RELN: variants seen among roughly 807,000 people sequenced by gnomAD.
RELN encodes reelin.
In RELN, 108 loss-of-function variants were observed where a neutral mutation model predicts 427.6. The observed-to-expected ratio is 0.25, with a 90% confidence interval of 0.22 to 0.30. RELN has a LOEUF of 0.30. RELN is among the 10% of genes least tolerant of loss of function. The probability of loss-of-function intolerance (pLI) is 1.00; values close to 1 mark genes in which losing one functional copy is unlikely to be tolerated. For synonymous variants in RELN, 1,524 were observed against 1,513.4 expected, an observed-to-expected ratio of 1.01 and a Z score of -0.16; for missense variants, 3,715 against 4,302.8, an observed-to-expected ratio of 0.86 and a Z score of 3.82.
At chr7:103,586,749 C>A (rs962817448) in intron 28 of RELN, among the ~76,000 whole-genome samples, 1 of 152,058 alleles carries the variant, frequency 6.6e-6, no homozygotes, top group Non-Finnish European at 1.5e-5. Context: ...AACATTGAAG[C>A]TGAGTACAAA....
At position 103,640,107 on chromosome 7, in the gene RELN, AT is replaced by A. The variant is rs1832667638; in HGVS notation, c.2069+435del. Among the ~76,000 whole-genome samples, 1 of 152,194 alleles carries A rather than the reference AT, an allele frequency of 6.6e-6. No individual in the cohort carries two copies. Among genetic ancestry groups the A allele is most frequent in the African/African-American group, 2.4e-5 (1 of 41,456 alleles). ...CTTAAGTTATATTTAAAGATGATGAATTTGCTTATCAAATCTGCTAAATTTG... is the reference window on the plus strand; with the variant it reads ...CTTAAGTTATATTTAAAGATGATGAATTGCTTATCAAATCTGCTAAATTTG... On this transcript the variant is annotated intron_variant, in intron 17 of 64. Coordinates refer to ENST00000428762, the MANE Select transcript of RELN (RefSeq NM_005045.4). This position sits in a 1 kb window ranked among gnomAD's most constrained non-coding sequence, Gnocchi z 4.1.
chr7:103,701,422 T>C (rs756454663), intron 8 of RELN, among the ~76,000 whole-genome samples: 16 of 152,116 alleles, frequency 1.1e-4, no homozygotes, highest in Non-Finnish European at 1.0e-4. Context: ...CACCATTATT[T>C]TTCTGTGTGT....
At chr7:103,584,360 G>T (rs1015631629) in intron 28 of RELN, among the ~76,000 whole-genome samples, 9 of 152,158 alleles carry the variant, frequency 5.9e-5, no homozygotes, top group African/African-American at 2.2e-4. Flanking sequence ...CAACATAAAG[G>T]GGTGGAAAAA....
intron 2 of RELN, among the ~76,000 whole-genome samples, chr7:103,872,445 T>C (rs1465344795): frequency 1.5e-5 from 2 of 135,308 alleles, no homozygotes; most frequent in South Asian, 3.3e-4. Flanking sequence ...TGCCACATTT[T>C]CTTAATCCAG....
At chr7:103,915,365 G>T (rs1473355548) in intron 2 of RELN, among the ~76,000 whole-genome samples, 1 of 152,068 alleles carries the variant, frequency 6.6e-6, no homozygotes, top group Non-Finnish European at 1.5e-5. Context: ...CCCTAGCAAG[G>T]TTTGCTATGA....
chr7:103,558,155 C>T (rs1233265647), intron 36 of RELN, 106 bp from the exon 37 acceptor site: 1 of 670,800 alleles, frequency 1.5e-6, no homozygotes, highest in Non-Finnish European at 2.7e-6. Context: ...AAATACATAT[C>T]ATGATCAAGA....
chr7:103,866,270 C>G (rs1249281271), intron 2 of RELN, among the ~76,000 whole-genome samples: 1 of 152,036 alleles, frequency 6.6e-6, no homozygotes, highest in Admixed American at 6.6e-5. Flanking sequence ...AGCACTACAG[C>G]TTTAATACAA....
chr7:103,829,756 T>A (rs1162056930), intron 3 of RELN, among the ~76,000 whole-genome samples: 4 of 151,996 alleles, frequency 2.6e-5, no homozygotes, highest in Non-Finnish European at 5.9e-5. Flanking sequence ...TCAGACAACA[T>A]GCCTCTTAAT....
intron 2 of RELN, among the ~76,000 whole-genome samples, chr7:103,898,110 A>G (rs1264555282): frequency 6.6e-6 from 1 of 151,990 alleles, no homozygotes; most frequent in East Asian, 1.9e-4. Context: ...ATGGGTGTGT[A>G]GTTTTCTACA....
In RELN at chr7:103,917,192, T is replaced by C. The variant is rs753968613; in HGVS notation, c.227-7A>G. The C allele has an allele frequency of 2.2e-5, 36 of 1,606,246 alleles. No individual in the cohort carries two copies. The highest frequency in any genetic ancestry group is 4.0e-5 in the African/African-American group (3 of 74,566). ...GTGCTTGTTGAAATTGTCACTGAAA[T>C]GTAAGAAAGAAAAAAAAAACTCTCA... On this transcript the variant is annotated splice_polypyrimidine_tract_variant and splice_region_variant and intron_variant, in intron 1 of 64. Coordinates refer to ENST00000428762, the MANE Select transcript of RELN (RefSeq NM_005045.4).
At chr7:103,952,359 A>T (rs1796348964) in intron 1 of RELN, among the ~76,000 whole-genome samples, 1 of 152,232 alleles carries the variant, frequency 6.6e-6, no homozygotes, top group Non-Finnish European at 1.5e-5. Flanking sequence ...CATTGCAGAT[A>T]TACTGTGCAA....
At chr7:103,945,548 A>G (rs1220069124) in intron 1 of RELN, among the ~76,000 whole-genome samples, 5 of 152,078 alleles carry the variant, frequency 3.3e-5, no homozygotes, top group African/African-American at 4.8e-5. Flanking sequence ...CCTCTGGCCA[A>G]CAAGCCACAT....
Position 103,498,080 on chromosome 7 carries a change from G to T in RELN, c.8840C>A (p.Ala2947Glu). The change falls in exon 54 of 65, where the codon GCA becomes GAA. Residue 2947 changes from alanine (A) to glutamate (E), a missense_variant. Physicochemically the swap from Ala to Glu is moderately radical, Grantham distance 107. Coordinates refer to ENST00000428762, the MANE Select transcript of RELN (RefSeq NM_005045.4). ...AACTAACAAAAAATTCACTTACTTT[G>T]CACCTCGAAGATCCAAATCTTGTGT... ...AVTQDLDLRGAKFLQYWGRIG... is the reference protein window; with the variant it reads ...AVTQDLDLRGEKFLQYWGRIG... 6.2e-7 allele frequency: 1 copy of T among 1,613,982 alleles called. No homozygotes were observed.
intron 20 of RELN, 80 bp downstream of exon 20, chr7:103,629,860 A>G: frequency 1.1e-6 from 1 of 931,064 alleles, no homozygotes; most frequent in East Asian, 2.4e-5. Flanking sequence ...AAATGACTAA[A>G]TGCTGAATAG....
chr7:103,844,327 A>C (rs908632863), intron 2 of RELN, among the ~76,000 whole-genome samples: 2 of 152,136 alleles, frequency 1.3e-5, no homozygotes, highest in African/African-American at 4.8e-5. Context: ...CTATCTGGGA[A>C]GTTTACTACA....
At position 103,647,783 on chromosome 7, in the gene RELN, C is replaced by T. The variant is rs543701407; in HGVS notation, c.2002+2491G>A. On this transcript the variant is annotated intron_variant, in intron 16 of 64. Transcript: ENST00000428762. The stretch of plus-strand genomic sequence containing the variant: ...AAAAAGAACAAAGCTGGAGGCATCA[C>T]ATTACCTCACTTCAAATTATACTAC... 2.0e-5 allele frequency among the ~76,000 whole-genome samples: 3 copies of T among 152,136 alleles called. 1 individual carries two copies. Among genetic ancestry groups the T allele is most frequent in the African/African-American group, 7.2e-5 (3 of 41,534 alleles).
intron 1 of RELN, among the ~76,000 whole-genome samples, chr7:103,930,589 T>C (rs2116706653): frequency 6.6e-6 from 1 of 152,166 alleles, no homozygotes; most frequent in South Asian, 2.1e-4. Flanking sequence ...CTCAGCCTCC[T>C]GAGTCACTGG....
rs771609138 is a variant in RELN at position 103,989,381 on chromosome 7, G to GCCGC, written c.-26_-25insGCGG. On this transcript the variant is annotated 5_prime_UTR_variant, in exon 1 of 65. Transcript: ENST00000428762. The surrounding 1 kb of genome is among the most constrained non-coding windows in gnomAD (Gnocchi z 4.9). ...TGCCGCCGCCGCCGCCGCCGCCGCC[G>GCCGC]CGCGCCCTACGCGCCGCTCGCTCAT... 1.0e-5 allele frequency: 15 copies of GCCGC among 1,441,224 alleles called. No homozygotes were observed. Among genetic ancestry groups the GCCGC allele is most frequent in the Non-Finnish European group, 1.3e-5 (14 of 1,108,602 alleles). 89.3% of individuals were successfully genotyped at this position (1,441,224 alleles called of 1,614,324 possible).
intron 60 of RELN, among the ~76,000 whole-genome samples, chr7:103,487,434 G>GA (rs1311078105): frequency 9.2e-5 from 12 of 130,082 alleles, no homozygotes; most frequent in South Asian, 2.5e-4. Context: ...CAAAATCCAG[G>GA]AAAAAAAATG....
Sources: allele counts gnomAD v4.1 joint callset (sites outside exome capture counted in the v4.1 genomes callset), GRCh38; gene constraint gnomAD v4.1.1; non-coding constraint Gnocchi (gnomAD v3.1); transcripts MANE v1.5; gene names NCBI Gene and HGNC (gene_info 2026-07-23, HGNC 2026-07-21).